The following URB2 variants were observed in gnomAD, a reference collection of about 807,000 sequenced individuals.
URB2 encodes the protein unhealthy ribosome biogenesis protein 2 homolog.
Under a neutral mutation model 120.9 loss-of-function variants are expected in URB2, and 86 were observed. The observed-to-expected ratio is 0.71, with a 90% CI of 0.60 to 0.85. The LOEUF is 0.85. Among genes scored for constraint, URB2 ranks in the 40% least tolerant of loss-of-function variants. URB2 has a pLI of 0.00. For synonymous variants in URB2, 755 were observed against 758.4 expected (o/e 1.00, Z 0.07); for missense variants, 1,765 against 1,836.5 (o/e 0.96, Z 0.71).
chr1:229,643,578 T>C lies in URB2; in HGVS notation c.3680T>C (p.Leu1227Ser). The C allele has an allele frequency of 6.2e-7, 1 of 1,614,226 alleles. No homozygotes were observed. Among genetic ancestry groups the C allele is most frequent in the Admixed American group, 1.7e-5 (1 of 60,028 alleles). The part of the protein sequence containing the change: ...VQVTQDIEPH[L>S]GALFTQMLEV... ...GTCACTCAGGATATTGAGCCTCATTTGGGAGCCTTGTTCACCCAAATGTTA... is the reference window on the plus strand; with the variant it reads ...GTCACTCAGGATATTGAGCCTCATTCGGGAGCCTTGTTCACCCAAATGTTA... The change falls in exon 5 of 10, where the codon TTG becomes TCG. Residue 1227 changes from leucine (L) to serine (S), a missense_variant. Coordinates refer to ENST00000258243, the MANE Select transcript of URB2 (RefSeq NM_014777.4).
chr1:229,636,395 G>T lies in URB2; in HGVS notation c.1782G>T (p.Glu594Asp), dbSNP rs749930507. ...TTCTCCCGGACACCCCAGGCCCAGAGCCAGAGCTGTGGCTGCAGAAGGTCA... is the reference window on the plus strand; with the variant it reads ...TTCTCCCGGACACCCCAGGCCCAGATCCAGAGCTGTGGCTGCAGAAGGTCA... ...LALLPDTPGPEPELWLQKVSD... is the reference protein window; with the variant it reads ...LALLPDTPGPDPELWLQKVSD... The change falls in exon 4 of 10, where the codon GAG becomes GAT. Residue 594 changes from glutamate to aspartate, a missense_variant. By Grantham distance (45) the Glu-to-Asp change is conservative. Transcript: ENST00000258243. 5 of 1,614,240 alleles carry T rather than the reference G, an allele frequency of 3.1e-6. No homozygotes were observed. Among genetic ancestry groups the T allele is most frequent in the Non-Finnish European group, 4.2e-6 (5 of 1,180,038 alleles).
chr1:229,654,947 T>C (rs1292478854), intron 9 of URB2, among the ~76,000 whole-genome samples: 1 of 152,144 alleles, frequency 6.6e-6, no homozygotes, highest in Non-Finnish European at 1.5e-5. Flanking sequence ...GGAGAGGAAA[T>C]GTTACTCAGG....
rs1187662374 is a variant in URB2 at position 229,627,621 on chromosome 1, A to G, written c.-13A>G. Reference sequence around the variant, plus strand: ...TTTTCCCATTGTTTTTAAATTTTAGATAAAGCCTAGCCATGGCTGCTGTTT... The same window carrying G: ...TTTTCCCATTGTTTTTAAATTTTAGGTAAAGCCTAGCCATGGCTGCTGTTT... On this transcript the variant is annotated splice_region_variant and 5_prime_UTR_variant, in exon 2 of 10. Transcript: ENST00000258243. The G allele has an allele frequency of 4.4e-6, 7 of 1,602,260 alleles. No homozygotes were observed. Among genetic ancestry groups the G allele is most frequent in the African/African-American group, 1.3e-5 (1 of 74,168 alleles).
Position 229,654,400 on chromosome 1 carries a change from T to A in URB2, c.4377+12T>A, listed in dbSNP as rs747668162. The A allele has an allele frequency of 6.2e-7, 1 of 1,613,888 alleles. No homozygotes were observed. Among genetic ancestry groups the A allele is most frequent in the Non-Finnish European group, 8.5e-7 (1 of 1,179,950 alleles). ...TGGAGGTACAGAAGGTAAAATTGGG[T>A]TCAATGTCTTTCACCAAGTACTGTG... On this transcript the variant is annotated intron_variant, in intron 9 of 9. Transcript: ENST00000258243.
Position 229,637,729 on chromosome 1 carries a change from C to G in URB2, c.3116C>G (p.Ala1039Gly), listed in dbSNP as rs1665885418. 5.0e-6 allele frequency: 8 copies of G among 1,614,152 alleles called. No homozygotes were observed. The highest frequency in any genetic ancestry group is 6.8e-6 in the Non-Finnish European group (8 of 1,180,022). Residue 1039 changes from alanine (A) to glycine (G), a missense_variant, in exon 4 of 10, where the codon GCA becomes GGA. By Grantham distance (60) the Ala-to-Gly change is moderately conservative. Transcript: ENST00000258243. Reference protein sequence around the residue: ...FLSSSKPYTEAASSKQLENQN... With the variant: ...FLSSSKPYTEGASSKQLENQN... ...TCTAGTTCCAAACCATACACGGAGG[C>G]AGCTTCAAGCAAACAATTAGAAAAT...
chr1:229,633,934 C>A (rs1019197157), intron 3 of URB2, among the ~76,000 whole-genome samples: 1 of 151,856 alleles, frequency 6.6e-6, no homozygotes, highest in Admixed American at 6.6e-5. Flanking sequence ...TGGGTTCAAG[C>A]GATTCTTGTG....
At position 229,647,663 on chromosome 1, in the gene URB2, C is replaced by G; in HGVS notation, c.4060C>G (p.Pro1354Ala). ...SLAFSILLTV[P>A]LDHLKPLEYG... ...GGCCTTCAGCATCCTTCTCACTGTC[C>G]CTTTGGACCATCTGAAGCCGCTGGA... Residue 1354 changes from proline (P) to alanine (A), a missense_variant, in exon 7 of 10, where the codon CCT (proline) becomes GCT (alanine). Pro to Ala is a conservative substitution (Grantham distance 27). Transcript: ENST00000258243. 6.2e-7 allele frequency: 1 copy of G among 1,614,168 alleles called. No individual in the cohort carries two copies. The highest frequency in any genetic ancestry group is 8.5e-7 in the Non-Finnish European group (1 of 1,180,032).
At chr1:229,631,598 G>A (rs550118477) in intron 2 of URB2, among the ~76,000 whole-genome samples, 162 of 152,256 alleles carry the variant, frequency 1.1e-3, no homozygotes, top group African/African-American at 3.8e-3. Flanking sequence ...ATATTATTGC[G>A]TCTCAAGGAA....
chr1:229,658,574 A>G lies in URB2; in HGVS notation c.4378-526A>G, dbSNP rs6696894. Among the ~76,000 whole-genome samples the G allele has an allele frequency of 4.8e-3, 732 of 152,290 alleles. 4 individuals are homozygous for G. Among genetic ancestry groups the G allele is most frequent in the African/African-American group, 0.017 (695 of 41,560 alleles). On this transcript the variant is annotated intron_variant, in intron 9 of 9. Transcript: ENST00000258243. ...GTGATCTAATTACTAGTGTAGGCTTATCAGTGGTCTGTTTTGGTAGTTTCA... is the reference window on the plus strand; with the variant it reads ...GTGATCTAATTACTAGTGTAGGCTTGTCAGTGGTCTGTTTTGGTAGTTTCA...
intron 4 of URB2, among the ~76,000 whole-genome samples, chr1:229,639,530 G>T (rs558108570): frequency 1.3e-5 from 2 of 152,072 alleles, no homozygotes; most frequent in South Asian, 2.1e-4. Context: ...TAAAGACAGG[G>T]TTTCACCATG....
In URB2 at chr1:229,637,876, T is replaced by TG; in HGVS notation, c.3264dup (p.Gln1089AlafsTer84). ...GCCCCAGCAGCACTGTCTGAGCTGC[T>TG]GCAGCAGGTTGTGCTGCAGACAGGA... On this transcript the variant is annotated frameshift_variant, in exon 4 of 10. Transcript: ENST00000258243. LOFTEE classifies it high-confidence loss of function. 6.3e-7 allele frequency: 1 copy of TG among 1,599,876 alleles called. No homozygotes were observed. Among genetic ancestry groups the TG allele is most frequent in the Non-Finnish European group, 8.5e-7 (1 of 1,174,002 alleles).
chr1:229,637,755 CAG>C lies in URB2; in HGVS notation c.3144_3145del (p.Asn1049ProfsTer37). On this transcript the variant is annotated frameshift_variant, in exon 4 of 10. Transcript: ENST00000258243. LOFTEE classifies it high-confidence loss of function. ...EAASSKQLEN[Q>X]NPQGRQLLLV... ...AGCTTCAAGCAAACAATTAGAAAATCAGAACCCCCAGGGCAGGCAGCTCCTTC... is the reference window on the plus strand; with the variant it reads ...AGCTTCAAGCAAACAATTAGAAAATCAACCCCCAGGGCAGGCAGCTCCTTC... 1.2e-6 allele frequency: 2 copies of C among 1,614,144 alleles called. No homozygotes were observed. The highest frequency in any genetic ancestry group is 1.7e-6 in the Non-Finnish European group (2 of 1,180,042).
At chr1:229,643,824 G>T in intron 5 of URB2, 131 bp downstream of exon 5, 2 of 1,270,508 alleles carry the variant, frequency 1.6e-6, no homozygotes, top group East Asian at 2.5e-5. Flanking sequence ...TAGGCAAAGG[G>T]GGAGGCTGTG....
At chr1:229,631,717 T>C (rs1368986804) in intron 2 of URB2, among the ~76,000 whole-genome samples, 1 of 152,198 alleles carries the variant, frequency 6.6e-6, no homozygotes, top group Non-Finnish European at 1.5e-5. Flanking sequence ...GCTTGCTGAC[T>C]TACAAGGACA....
At chr1:229,648,439 TA>T (rs1358851221) in intron 7 of URB2, among the ~76,000 whole-genome samples, 1 of 152,236 alleles carries the variant, frequency 6.6e-6, no homozygotes, top group East Asian at 1.9e-4. Flanking sequence ...TTGCTGGGCT[TA>T]TAATTCAAAT....
At chr1:229,642,680 T>C (rs898100177) in intron 4 of URB2, among the ~76,000 whole-genome samples, 7 of 152,176 alleles carry the variant, frequency 4.6e-5, no homozygotes, top group African/African-American at 1.7e-4. Context: ...GGAGCTCTCT[T>C]AGTCTTTCTG....
Position 229,637,602 on chromosome 1 carries a change from T to G in URB2, c.2989T>G (p.Phe997Val), listed in dbSNP as rs1665879774. 1.2e-6 allele frequency: 2 copies of G among 1,614,194 alleles called. No individual in the cohort carries two copies. The highest frequency in any genetic ancestry group is 1.7e-6 in the Non-Finnish European group (2 of 1,180,012). The change falls in exon 4 of 10, where the codon TTC (phenylalanine) becomes GTC (valine). Residue 997 changes from phenylalanine to valine, a missense_variant. By Grantham distance (50) the Phe-to-Val change is conservative (BLOSUM62 -1). Coordinates refer to ENST00000258243, the MANE Select transcript of URB2 (RefSeq NM_014777.4). ...IEMDDPAWLE[F>V]LQVIGTFLEE... ...GATGGATGATCCCGCTTGGCTGGAA[T>G]TCCTCCAAGTGATAGGGACGTTCTT...
At position 229,647,645 on chromosome 1, in the gene URB2, A is replaced by G; in HGVS notation, c.4042A>G (p.Ser1348Gly). 1 of 1,614,180 alleles carries G rather than the reference A, an allele frequency of 6.2e-7. No homozygotes were observed. The highest frequency in any genetic ancestry group is 8.5e-7 in the Non-Finnish European group (1 of 1,180,034). Residue 1348 changes from serine to glycine, a missense_variant, in exon 7 of 10, where the codon AGC (serine) becomes GGC (glycine). Physicochemically the swap from Ser to Gly is moderately conservative, Grantham distance 56. Coordinates refer to ENST00000258243, the MANE Select transcript of URB2 (RefSeq NM_014777.4). ...GNPHHVSLAFSILLTVPLDHL... is the reference protein window; with the variant it reads ...GNPHHVSLAFGILLTVPLDHL... ...CCCCCACCACGTCAGCCTGGCCTTC[A>G]GCATCCTTCTCACTGTCCCTTTGGA...
Position 229,633,275 on chromosome 1 carries a change from T to C in URB2, c.303+830T>C, listed in dbSNP as rs140704266. On this transcript the variant is annotated intron_variant, in intron 3 of 9. Coordinates refer to ENST00000258243, the MANE Select transcript of URB2 (RefSeq NM_014777.4). The stretch of plus-strand genomic sequence containing the variant: ...GATTGTGTTCCAAACTGGGTCACTT[T>C]TTAAAATAATAAACCAGTGGTCACC... Among the ~76,000 whole-genome samples the C allele has an allele frequency of 6.8e-3, 1,038 of 152,340 alleles. 12 individuals carry two copies. The highest frequency in any genetic ancestry group is 0.024 in the African/African-American group (977 of 41,564).
Sources: gnomAD v4.1 joint callset for allele counts (sites outside exome capture counted in the v4.1 genomes callset) on GRCh38, gnomAD v4.1.1 for gene constraint, MANE v1.5 for transcripts, NCBI Gene and HGNC (gene_info 2026-07-23, HGNC 2026-07-21) for gene names.